ARHGAP45: variants seen among roughly 807,000 people sequenced by gnomAD.
The protein encoded by ARHGAP45 is Rho GTPase activating protein 45.
A neutral mutation model predicts 116.1 loss-of-function variants in ARHGAP45; 56 were observed. The observed-to-expected ratio is 0.48, with a 90% confidence interval of 0.39 to 0.60. ARHGAP45 has a LOEUF of 0.60. ARHGAP45 is among the 20% of genes least tolerant of loss of function. ARHGAP45 has a pLI of 0.00. For missense variants in ARHGAP45, 1,622 were observed against 1,601.0 expected, an observed-to-expected ratio of 1.01 and a Z score of -0.22; for synonymous variants, 866 against 701.7, an observed-to-expected ratio of 1.23 and a Z score of -3.70.
Position 1,071,289 on chromosome 19 carries a change from A to T in ARHGAP45, c.422-1860A>T. The T allele has an allele frequency of 6.8e-7, 1 of 1,477,784 alleles. No homozygotes were observed. The highest frequency in any genetic ancestry group is 2.2e-4 in the Middle Eastern group (1 of 4,456). The allele number at this position is 1,477,784 out of a possible 1,614,324, so 91.5% of individuals were successfully genotyped here. Reference sequence around the variant, plus strand: ...GTCTCCGCGCCCCGACGGCTGCGCCATGTGTATCTGCGGGACGGCGCACCC... The same window carrying T: ...GTCTCCGCGCCCCGACGGCTGCGCCTTGTGTATCTGCGGGACGGCGCACCC... On this transcript the variant is annotated intron_variant, in intron 2 of 22. Coordinates refer to ENST00000313093, the MANE Select transcript of ARHGAP45 (RefSeq NM_012292.5). The surrounding 1 kb of genome is among the most constrained non-coding windows in gnomAD (Gnocchi z 4.6).
chr19:1,076,012 T>G (rs1228114537), intron 10 of ARHGAP45, among the ~76,000 whole-genome samples: 3 of 152,198 alleles, frequency 2.0e-5, no homozygotes, highest in Non-Finnish European at 2.9e-5. Flanking sequence ...TCAGTCAGCA[T>G]GAAGCAGCCT....
chr19:1,067,769 C>T (rs2043066447), intron 1 of ARHGAP45: 4 of 647,298 alleles, frequency 6.2e-6, no homozygotes, highest in South Asian at 4.9e-5. Context: ...CGGGTTGGGA[C>T]GATGTTGTGT....
rs199745412 is a variant in ARHGAP45, at chr19:1,074,595, G to C, written c.994-19G>C. On this transcript the variant is annotated intron_variant, in intron 8 of 22. Coordinates refer to ENST00000313093, the MANE Select transcript of ARHGAP45 (RefSeq NM_012292.5). ...GCCTCCATCCCTCCCCACCCAGTGA[G>C]CCGGTGCCCCACCCACAGCCCCACA... 1,628 of 1,537,402 alleles carry C rather than the reference G, an allele frequency of 1.1e-3. 20 individuals are homozygous for C. The African/African-American group carries it at 0.02, about 19-fold the overall frequency.
At chr19:1,077,374 CTTTTTT>C (rs34571690) in intron 10 of ARHGAP45, 9 of 920,758 alleles carry the variant, frequency 9.8e-6, no homozygotes, top group East Asian at 1.3e-4. Flanking sequence ...TCCTCCCGTT[CTTTTTT>C]TTTTTTTTTT....
At chr19:1,075,459 G>C (rs1568463038) in intron 10 of ARHGAP45, among the ~76,000 whole-genome samples, 1 of 151,994 alleles carries the variant, frequency 6.6e-6, no homozygotes, top group Non-Finnish European at 1.5e-5. Flanking sequence ...TGGTCAGGCT[G>C]GTCTCGAACT....
In ARHGAP45 at chr19:1,083,132, C is replaced by A; in HGVS notation, c.2745-11C>A. On this transcript the variant is annotated splice_polypyrimidine_tract_variant and intron_variant, in intron 20 of 22. Transcript: ENST00000313093. ...GAGCCGCTCAGCACCTGGCCCCTGCCCACCCCGCAGGATCGTGGAGGTGGA... is the reference window on the plus strand; with the variant it reads ...GAGCCGCTCAGCACCTGGCCCCTGCACACCCCGCAGGATCGTGGAGGTGGA... 1 of 1,600,462 alleles carries A rather than the reference C, an allele frequency of 6.2e-7. No homozygotes were observed.
At chr19:1,076,661 T>C (rs936276110) in intron 10 of ARHGAP45, among the ~76,000 whole-genome samples, 1 of 152,032 alleles carries the variant, frequency 6.6e-6, no homozygotes, top group African/African-American at 2.4e-5. Flanking sequence ...CATGCCTGGC[T>C]AATTTTTGTA....
intron 4 of ARHGAP45, 35 bp downstream of exon 4, chr19:1,073,625 G>T: frequency 6.2e-7 from 1 of 1,612,622 alleles, no homozygotes; most frequent in Non-Finnish European, 8.5e-7. Flanking sequence ...GGGCAAGGGA[G>T]CGTGGGGGGC....
In ARHGAP45 at chr19:1,081,072, G is replaced by T; in HGVS notation, c.2190+8G>T. The T allele has an allele frequency of 1.3e-6, 2 of 1,596,176 alleles. No homozygotes were observed. The highest frequency in any genetic ancestry group is 1.7e-6 in the Non-Finnish European group (2 of 1,172,222). The stretch of plus-strand genomic sequence containing the variant: ...GGTGCTGAGTGTGAAGAGGTGAGTG[G>T]GACGCCCCGACGGACAGCTGGGAGC... On this transcript the variant is annotated splice_region_variant and intron_variant, in intron 17 of 22. Transcript: ENST00000313093.
rs2043189715 is a variant in ARHGAP45 at position 1,074,121 on chromosome 19, G to A, written c.808G>A (p.Glu270Lys). The A allele has an allele frequency of 3.1e-6, 5 of 1,612,890 alleles. No individual in the cohort carries two copies. Among genetic ancestry groups the A allele is most frequent in the Non-Finnish European group, 4.2e-6 (5 of 1,179,790 alleles). ...DCDAGCLPAEEVDVLLQRCEG... is the reference protein window; with the variant it reads ...DCDAGCLPAEKVDVLLQRCEG... ...CCCTGCAGGCTGCCTGCCCGCCGAG[G>A]AGGTGGACGTGCTGCTACAGCGCTG... The change falls in exon 7 of 23, where the codon GAG becomes AAG. Residue 270 changes from glutamate to lysine, a missense_variant. Physicochemically the swap from Glu to Lys is moderately conservative, Grantham distance 56. Coordinates refer to ENST00000313093, the MANE Select transcript of ARHGAP45 (RefSeq NM_012292.5).
In ARHGAP45 at chr19:1,068,549, G is replaced by T; in HGVS notation, c.226G>T (p.Gly76Cys). Residue 76 changes from glycine (G) to cysteine (C), a missense_variant, in exon 2 of 23, where the codon GGC becomes TGC. By Grantham distance (159) the Gly-to-Cys change is radical. This residue lies in a region of ARHGAP45 where 279 missense variants were observed against 311.9 expected (regional missense o/e 0.89). Coordinates refer to ENST00000313093, the MANE Select transcript of ARHGAP45 (RefSeq NM_012292.5). This position sits in a 1 kb window ranked among gnomAD's most constrained non-coding sequence, Gnocchi z 7.5. ...TSLSRHASAA[G>C]FPLSGAASWT... ...CCTGAGCCGCCACGCCAGCGCGGCTGGCTTCCCCCTGTCGGGTGCTGCCTC... is the reference window on the plus strand; with the variant it reads ...CCTGAGCCGCCACGCCAGCGCGGCTTGCTTCCCCCTGTCGGGTGCTGCCTC... 1 of 1,609,358 alleles carries T rather than the reference G, an allele frequency of 6.2e-7. No individual in the cohort carries two copies. The highest frequency in any genetic ancestry group is 1.3e-5 in the African/African-American group (1 of 74,956).
intron 22 of ARHGAP45, 52 bp downstream of exon 22, chr19:1,084,398 C>T (rs2061479201): frequency 4.2e-6 from 6 of 1,420,680 alleles, no homozygotes; most frequent in Non-Finnish European, 5.9e-6. Flanking sequence ...GTGTGCCACC[C>T]ATGGGCGCAG....
intron 1 of ARHGAP45, 46 bp downstream of exon 1, chr19:1,067,541 G>A (rs769807140): frequency 6.6e-7 from 1 of 1,519,236 alleles, no homozygotes; most frequent in African/African-American, 1.4e-5. Context: ...CGGGCCGCAG[G>A]GGGACAGGGA....
At chr19:1,082,183 G>A (rs527763557) in intron 19 of ARHGAP45, among the ~76,000 whole-genome samples, 2 of 146,496 alleles carry the variant, frequency 1.4e-5, no homozygotes, top group Admixed American at 6.7e-5. Context: ...GTTCTGCGCC[G>A]AGGCACGGAC....
chr19:1,080,452 C>T lies in ARHGAP45; in HGVS notation c.1829-12C>T, dbSNP rs1599766888. The T allele has an allele frequency of 1.2e-6, 2 of 1,612,572 alleles. No individual in the cohort carries two copies. Among genetic ancestry groups the T allele is most frequent in the Middle Eastern group, 1.7e-4 (1 of 6,054 alleles). ...CACCCTGGCCCTTCACCAGAGACGC[C>T]TCTTTCTCCAGCCGGGCGAGGACAC... On this transcript the variant is annotated splice_polypyrimidine_tract_variant and intron_variant, in intron 14 of 22. Coordinates refer to ENST00000313093, the MANE Select transcript of ARHGAP45 (RefSeq NM_012292.5).
chr19:1,080,147 G>A (rs1184303107), intron 13 of ARHGAP45, 29 bp downstream of exon 13: 1 of 1,610,582 alleles, frequency 6.2e-7, no homozygotes, highest in East Asian at 2.2e-5. Context: ...CCTGTCCCCG[G>A]CGCACAAGGC....
Position 1,078,060 on chromosome 19 carries a change from A to T in ARHGAP45, c.1374+15A>T. The T allele has an allele frequency of 2.6e-6, 4 of 1,543,336 alleles. No homozygotes were observed. The South Asian group carries it at 4.8e-5, about 18-fold the overall frequency. ...CCAAGAACAAGGTGAGGGCGGGTGGAGGCAGGGCTGGAGGTCCCTGGAGGA... is the reference window on the plus strand; with the variant it reads ...CCAAGAACAAGGTGAGGGCGGGTGGTGGCAGGGCTGGAGGTCCCTGGAGGA... On this transcript the variant is annotated intron_variant, in intron 11 of 22. Transcript: ENST00000313093.
intron 2 of ARHGAP45, among the ~76,000 whole-genome samples, chr19:1,070,823 G>C (rs189254143): frequency 4.6e-5 from 7 of 152,304 alleles, no homozygotes; most frequent in African/African-American, 1.7e-4. Context: ...CCCCAGGCCA[G>C]AGAAGACCCT....
In ARHGAP45 at chr19:1,085,842, C is replaced by T. The variant is rs746110852; in HGVS notation, c.3247C>T (p.Arg1083Trp). ...GSEEQLEATA[R>W]EDGDGDEDGP... ...TGAGGAGCAGCTGGAGGCCACAGCC[C>T]GGGAGGACGGGGACGGGGACGAGGA... The change falls in exon 23 of 23, where the codon CGG becomes TGG. Residue 1083 changes from arginine to tryptophan, a missense_variant. This residue lies in a region of ARHGAP45 where 1,334 missense variants were observed against 1,263.8 expected (regional missense o/e 1.06). Coordinates refer to ENST00000313093, the MANE Select transcript of ARHGAP45 (RefSeq NM_012292.5). The T allele has an allele frequency of 1.2e-5, 20 of 1,610,620 alleles. No individual in the cohort carries two copies. Among genetic ancestry groups the T allele is most frequent in the South Asian group, 6.6e-5 (6 of 91,048 alleles).
Sources: allele counts gnomAD v4.1 joint callset (sites outside exome capture counted in the v4.1 genomes callset), GRCh38; gene constraint gnomAD v4.1.1; regional missense constraint gnomAD v4.1.1; non-coding constraint Gnocchi (gnomAD v3.1); transcripts MANE v1.5; gene names NCBI Gene and HGNC (gene_info 2026-07-23, HGNC 2026-07-21).